PTPRK: variants seen among roughly 807,000 people sequenced by gnomAD.
The protein encoded by PTPRK is protein tyrosine phosphatase receptor type K.
In PTPRK, 75 loss-of-function variants were observed where a neutral mutation model predicts 178.0. The observed-to-expected ratio is 0.42, with a 90% CI of 0.35 to 0.51. PTPRK has a LOEUF of 0.51. PTPRK is among the 20% of genes least tolerant of loss of function. PTPRK has a pLI of 0.02. For missense variants in PTPRK, 1,441 were observed against 1,797.8 expected, an observed-to-expected ratio of 0.80 and a Z score of 3.59; for synonymous variants, 637 against 620.6, an observed-to-expected ratio of 1.03 and a Z score of -0.39.
intron 2 of PTPRK, among the ~76,000 whole-genome samples, chr6:128,364,350 C>T (rs1265266663): frequency 6.6e-6 from 1 of 151,856 alleles, no homozygotes; most frequent in Non-Finnish European, 1.5e-5. Flanking sequence ...TTTATCTTGT[C>T]GTATTATGGG....
At chr6:128,075,741 C>T (rs145990931) in intron 11 of PTPRK, among the ~76,000 whole-genome samples, 174 of 152,040 alleles carry the variant, frequency 1.1e-3, no homozygotes, top group African/African-American at 4.0e-3. Context: ...AAACTAAACA[C>T]GAAAACTCTA....
intron 7 of PTPRK, among the ~76,000 whole-genome samples, chr6:128,132,589 TA>T (rs1583156617): frequency 2.0e-5 from 3 of 152,236 alleles, no homozygotes; most frequent in Non-Finnish European, 4.4e-5. Flanking sequence ...GGCTGTACTG[TA>T]AATCTTTCCT....
intron 1 of PTPRK, among the ~76,000 whole-genome samples, chr6:128,465,415 A>G (rs1224606954): frequency 6.6e-6 from 1 of 152,218 alleles, no homozygotes; most frequent in Non-Finnish European, 1.5e-5. Context: ...CTGTGGAAAG[A>G]CAATTCTTAT....
intron 2 of PTPRK, among the ~76,000 whole-genome samples, chr6:128,327,132 T>C (rs1170272502): frequency 2.0e-5 from 3 of 152,116 alleles, no homozygotes; most frequent in Non-Finnish European, 4.4e-5. Context: ...ATCTAGTATA[T>C]AGATGAATAT....
intron 2 of PTPRK, among the ~76,000 whole-genome samples, chr6:128,357,029 T>C (rs1462572480): frequency 6.6e-6 from 1 of 152,166 alleles, no homozygotes; most frequent in South Asian, 2.1e-4. Flanking sequence ...GTTTGAATAC[T>C]GGGGAAGCCT....
At chr6:128,151,587 TACACACCTATTTGTCAG>T (rs1435771358) in intron 7 of PTPRK, among the ~76,000 whole-genome samples, 1 of 151,938 alleles carries the variant, frequency 6.6e-6, no homozygotes, top group Non-Finnish European at 1.5e-5. Context: ...CACACACATA[TACACACCTATTTGTCAG>T]AAGGTAGCAT....
At chr6:128,159,875 GA>G (rs992874177) in intron 7 of PTPRK, among the ~76,000 whole-genome samples, 5 of 151,832 alleles carry the variant, frequency 3.3e-5, no homozygotes, top group African/African-American at 1.2e-4. Context: ...TTTATGGTAA[GA>G]TGGCATATAT....
At chr6:128,090,283 T>C (rs1293641292) in intron 7 of PTPRK, among the ~76,000 whole-genome samples, 1 of 152,198 alleles carries the variant, frequency 6.6e-6, no homozygotes, top group African/African-American at 2.4e-5. Context: ...TTTATAGTTG[T>C]TGCTGTTGTT....
At chr6:128,274,065 G>T (rs1820342217) in intron 3 of PTPRK, among the ~76,000 whole-genome samples, 1 of 151,726 alleles carries the variant, frequency 6.6e-6, no homozygotes, top group Non-Finnish European at 1.5e-5. Context: ...TCAAGACTCT[G>T]TTATGCAAGG....
intron 8 of PTPRK, 45 bp from the exon 9 acceptor site, chr6:128,083,869 A>G: frequency 9.3e-7 from 1 of 1,077,334 alleles, no homozygotes; most frequent in South Asian, 1.9e-5. Flanking sequence ...CTTACATTAG[A>G]AACAGAAAAA....
chr6:128,146,963 T>G, intron 7 of PTPRK, among the ~76,000 whole-genome samples: 1 of 152,294 alleles, frequency 6.6e-6, no homozygotes, highest in East Asian at 1.9e-4. Context: ...TATAAATGAA[T>G]AGTCTGTAAA....
chr6:128,396,847 A>T (rs946567434), intron 2 of PTPRK, among the ~76,000 whole-genome samples: 1 of 151,970 alleles, frequency 6.6e-6, no homozygotes, highest in African/African-American at 2.4e-5. Flanking sequence ...AAAATACAAA[A>T]ATTAGCTGGG....
At chr6:128,297,133 A>G (rs1164437412) in intron 3 of PTPRK, among the ~76,000 whole-genome samples, 1 of 151,964 alleles carries the variant, frequency 6.6e-6, no homozygotes, top group Non-Finnish European at 1.5e-5. Context: ...AAAGAAGGCC[A>G]TTACATAATG....
At chr6:128,078,511 C>T (rs960409458) in intron 11 of PTPRK, among the ~76,000 whole-genome samples, 1 of 151,796 alleles carries the variant, frequency 6.6e-6, no homozygotes, top group African/African-American at 2.4e-5. Context: ...TTTCAATTAC[C>T]CACCATCAAA....
Position 128,110,644 on chromosome 6 carries a change from T to C in PTPRK, c.1163-20652A>G, listed in dbSNP as rs141268694. Among the ~76,000 whole-genome samples the C allele has an allele frequency of 4.5e-3, 681 of 152,122 alleles. 5 individuals carry two copies. The highest frequency in any genetic ancestry group is 6.9e-3 in the Non-Finnish European group (469 of 67,986). Reference sequence around the variant, plus strand: ...TAAAAAAAAAAAATGTCAATATAGATATTTCATTCATTTGAGAAGAGCCAA... The same window carrying C: ...TAAAAAAAAAAAATGTCAATATAGACATTTCATTCATTTGAGAAGAGCCAA... On this transcript the variant is annotated intron_variant, in intron 7 of 29. Coordinates refer to ENST00000368226, the MANE Select transcript of PTPRK (RefSeq NM_002844.4).
intron 6 of PTPRK, among the ~76,000 whole-genome samples, chr6:128,200,366 G>A (rs1033412384): frequency 1.3e-5 from 2 of 152,110 alleles, no homozygotes; most frequent in African/African-American, 4.8e-5. Context: ...TTATCATGAA[G>A]AGACATTTAG....
At chr6:128,120,849 C>G (rs1425306424) in intron 7 of PTPRK, among the ~76,000 whole-genome samples, 1 of 151,860 alleles carries the variant, frequency 6.6e-6, no homozygotes, top group Non-Finnish European at 1.5e-5. Context: ...GACATTTCTA[C>G]TACTAAAAAC....
At chr6:128,480,780 C>T (rs2128423756) in intron 1 of PTPRK, among the ~76,000 whole-genome samples, 1 of 152,270 alleles carries the variant, frequency 6.6e-6, no homozygotes, top group South Asian at 2.1e-4. Context: ...AGTGTTCTGC[C>T]CACTTTATCA....
chr6:128,009,481 A>G (rs1445589501), intron 13 of PTPRK, among the ~76,000 whole-genome samples: 3 of 151,148 alleles, frequency 2.0e-5, no homozygotes, highest in East Asian at 3.9e-4. Context: ...TGTTAACACA[A>G]AAAATAAAAC....
Sources: gnomAD v4.1 joint callset for allele counts (sites outside exome capture counted in the v4.1 genomes callset) on GRCh38, gnomAD v4.1.1 for gene constraint, MANE v1.5 for transcripts, NCBI Gene and HGNC (gene_info 2026-07-23, HGNC 2026-07-21) for gene names.